NPTN: variants seen among roughly 807,000 people sequenced by gnomAD.
NPTN encodes the protein SDR-1.
A neutral mutation model predicts 42.7 loss-of-function variants in NPTN; 5 were observed. That is an observed-to-expected ratio of 0.12 (90% CI 0.06 to 0.25). The LOEUF (loss-of-function observed/expected upper bound fraction) is 0.25. NPTN is among the 10% of genes least tolerant of loss of function. NPTN has a pLI of 1.00. For synonymous variants in NPTN, 180 were observed against 201.9 expected, an observed-to-expected ratio of 0.89 and a Z score of 0.92; for missense variants, 307 against 525.4, an observed-to-expected ratio of 0.58 and a Z score of 4.06.
In NPTN at chr15:73,569,592, G is replaced by A. The variant is rs139360653; in HGVS notation, c.1114+558C>T. ...AGAGAGCGCTGGAAACCTATCAAAGGGACCAACCAAGGAACCAAAAGCTGG... is the reference window on the plus strand; with the variant it reads ...AGAGAGCGCTGGAAACCTATCAAAGAGACCAACCAAGGAACCAAAAGCTGG... On this transcript the variant is annotated intron_variant, in intron 6 of 8. Transcript: ENST00000345330. This position sits in a 1 kb window ranked among gnomAD's most constrained non-coding sequence, Gnocchi z 4.1. 4,459 of 985,440 alleles carry A rather than the reference G, an allele frequency of 4.5e-3. 11 individuals are homozygous for A. Among genetic ancestry groups the A allele is most frequent in the Non-Finnish European group, 5.0e-3 (4,185 of 829,930 alleles). 61.0% of individuals were successfully genotyped at this position (985,440 alleles called of 1,614,324 possible). A position where few individuals can be genotyped will look rare whatever the true frequency, so the allele number is the denominator to read the frequency against.
intron 3 of NPTN, among the ~76,000 whole-genome samples, chr15:73,589,930 C>G (rs1166967314): frequency 1.3e-5 from 2 of 151,746 alleles, no homozygotes; most frequent in African/African-American, 4.8e-5. Context: ...GAGGAAGGAG[C>G]AGCAGCTCTT....
At chr15:73,608,767 A>T (rs1421193476) in intron 1 of NPTN, among the ~76,000 whole-genome samples, 2 of 152,258 alleles carry the variant, frequency 1.3e-5, no homozygotes, top group African/African-American at 4.8e-5. Context: ...GAACTAATTA[A>T]GAGTGGCTGT....
intron 1 of NPTN, among the ~76,000 whole-genome samples, chr15:73,631,470 T>A (rs1898740294): frequency 6.6e-6 from 1 of 152,210 alleles, no homozygotes; most frequent in Admixed American, 6.5e-5. Context: ...ACACATAAAA[T>A]TTGGTACTAC....
In NPTN at chr15:73,631,344, G is replaced by C. The variant is rs937534005; in HGVS notation, c.91+1781C>G. Among the ~76,000 whole-genome samples the C allele has an allele frequency of 2.6e-5, 4 of 152,132 alleles. No individual in the cohort carries two copies. In the East Asian group the frequency reaches 5.8e-4, roughly 22 times the overall value. On this transcript the variant is annotated intron_variant, in intron 1 of 8. Transcript: ENST00000345330. Reference sequence around the variant, plus strand: ...TAACTCTACCCTGCCTTCCACAGTGGACTCATGCTTAGAGGAAAACAGGAA... The same window carrying C: ...TAACTCTACCCTGCCTTCCACAGTGCACTCATGCTTAGAGGAAAACAGGAA...
intron 4 of NPTN, among the ~76,000 whole-genome samples, chr15:73,581,895 C>T (rs1327714619): frequency 1.3e-5 from 2 of 151,888 alleles, no homozygotes; most frequent in Non-Finnish European, 2.9e-5. Context: ...AGTGCAGCAG[C>T]GCGATCTCAG....
Position 73,570,603 on chromosome 15 carries a change from C to A in NPTN, c.841-180G>T, listed in dbSNP as rs963931617. Among the ~76,000 whole-genome samples, 1 of 152,188 alleles carries A rather than the reference C, an allele frequency of 6.6e-6. No individual in the cohort carries two copies. Among genetic ancestry groups the A allele is most frequent in the African/African-American group, 2.4e-5 (1 of 41,442 alleles). ...AACAACAAATCAACTTCTGACAGAG[C>A]CAGGCAAGCCTCCCTTACCATCGGT... On this transcript the variant is annotated intron_variant, in intron 5 of 8. Transcript: ENST00000345330. This position sits in a 1 kb window ranked among gnomAD's most constrained non-coding sequence, Gnocchi z 4.0.
At chr15:73,626,959 G>A (rs372153580) in intron 1 of NPTN, among the ~76,000 whole-genome samples, 1 of 152,134 alleles carries the variant, frequency 6.6e-6, no homozygotes, top group Non-Finnish European at 1.5e-5. Flanking sequence ...TTTCAGCCGG[G>A]CACAGTGGCT....
rs1423753357 is a variant in NPTN at position 73,560,056 on chromosome 15, CTTT to C, written c.*1004_*1006del. On this transcript the variant is annotated 3_prime_UTR_variant, in exon 9 of 9. Coordinates refer to ENST00000345330, the MANE Select transcript of NPTN (RefSeq NM_012428.4). ...TTATTTTTAAAAACAGGTGAATCCACTTTTTTATACATCATTGCACTTCAATAA... is the reference window on the plus strand; with the variant it reads ...TTATTTTTAAAAACAGGTGAATCCACTTTATACATCATTGCACTTCAATAA... 11 of 685,698 alleles carry C rather than the reference CTTT, an allele frequency of 1.6e-5. No homozygotes were observed. The African/African-American group carries it at 2.1e-4, about 13-fold the overall frequency. 42.5% of individuals were successfully genotyped at this position (685,698 alleles called of 1,614,324 possible). A position where few individuals can be genotyped will look rare whatever the true frequency, so the allele number is the denominator to read the frequency against.
intron 4 of NPTN, among the ~76,000 whole-genome samples, chr15:73,585,821 C>T (rs1416402306): frequency 6.6e-6 from 1 of 152,300 alleles, no homozygotes; most frequent in African/African-American, 2.4e-5. Flanking sequence ...TCCAACAGTG[C>T]ACAGTAAGCA....
At chr15:73,585,527 G>A (rs1056247935) in intron 4 of NPTN, among the ~76,000 whole-genome samples, 3 of 152,202 alleles carry the variant, frequency 2.0e-5, no homozygotes, top group African/African-American at 4.8e-5. Context: ...CAGAAAAAGC[G>A]AAGTGTTCAT....
intron 1 of NPTN, among the ~76,000 whole-genome samples, chr15:73,622,495 GTTT>G (rs200224289): frequency 2.4e-5 from 3 of 125,190 alleles, no homozygotes; most frequent in Non-Finnish European, 3.4e-5. Flanking sequence ...AGGGAGAATT[GTTT>G]TAAAAAAAAA....
chr15:73,594,999 C>T (rs1437077779), intron 2 of NPTN, among the ~76,000 whole-genome samples: 1 of 151,380 alleles, frequency 6.6e-6, no homozygotes, highest in Non-Finnish European at 1.5e-5. Flanking sequence ...CCTCCTGGCT[C>T]TCCAAAACAG....
At chr15:73,616,766 A>G (rs567801448) in intron 1 of NPTN, among the ~76,000 whole-genome samples, 2 of 152,318 alleles carry the variant, frequency 1.3e-5, no homozygotes, top group East Asian at 3.9e-4. Flanking sequence ...ACACCAGTAA[A>G]AAATATTGCT....
chr15:73,617,257 C>T (rs1897907331), intron 1 of NPTN, among the ~76,000 whole-genome samples: 1 of 152,148 alleles, frequency 6.6e-6, no homozygotes, highest in Non-Finnish European at 1.5e-5. Flanking sequence ...GCAGGAATAT[C>T]AAGGAGTAAA....
chr15:73,614,465 C>T (rs1048818329), intron 1 of NPTN, among the ~76,000 whole-genome samples: 1 of 152,138 alleles, frequency 6.6e-6, no homozygotes, highest in Non-Finnish European at 1.5e-5. Context: ...TAATATTCAG[C>T]AAATCTATGT....
rs916656048 is a variant in NPTN at position 73,620,792 on chromosome 15, A to C, written c.91+12333T>G. Among the ~76,000 whole-genome samples the C allele has an allele frequency of 2.0e-5, 3 of 152,332 alleles. No individual in the cohort carries two copies. The South Asian group carries it at 6.2e-4, about 32-fold the overall frequency. The stretch of plus-strand genomic sequence containing the variant: ...AGAAAATCACATTATCAACAGCAAC[A>C]CTGTCTATAGTATTCAATTCACCAT... On this transcript the variant is annotated intron_variant, in intron 1 of 8. Transcript: ENST00000345330.
At chr15:73,572,019 A>G (rs980434841) in intron 5 of NPTN, among the ~76,000 whole-genome samples, 3 of 152,154 alleles carry the variant, frequency 2.0e-5, no homozygotes, top group Non-Finnish European at 4.4e-5. Flanking sequence ...AGTGCCTTAG[A>G]AAGTTCAGTG....
At chr15:73,567,856 A>G in intron 6 of NPTN, 1 of 985,376 alleles carries the variant, frequency 1.0e-6, no homozygotes, top group Non-Finnish European at 1.2e-6. Context: ...CAGATTTTTC[A>G]CCCCAATGCA....
At chr15:73,591,699 TG>T in intron 3 of NPTN, 1 of 277,086 alleles carries the variant, frequency 3.6e-6, no homozygotes, top group Non-Finnish European at 6.8e-6. Context: ...ATTGTTACCC[TG>T]AACAAATCAC....
Sources: gnomAD v4.1 joint callset for allele counts (sites outside exome capture counted in the v4.1 genomes callset) on GRCh38, gnomAD v4.1.1 for gene constraint, Gnocchi (gnomAD v3.1) non-coding constraint, MANE v1.5 for transcripts, NCBI Gene and HGNC (gene_info 2026-07-23, HGNC 2026-07-21) for gene names.